PXDNL: variants seen among roughly 807,000 people sequenced by gnomAD.
PXDNL encodes the protein peroxidasin like.
In PXDNL, 145 loss-of-function variants were observed where a neutral mutation model predicts 150.8. That is an observed-to-expected ratio of 0.96 (90% CI 0.84 to 1.10). The LOEUF is 1.10. PXDNL is among the 50% of genes least tolerant of loss of function. The pLI is 0.00. For missense variants in PXDNL, 2,087 were observed against 1,873.9 expected, an observed-to-expected ratio of 1.11 and a Z score of -2.10; for synonymous variants, 757 against 725.7, an observed-to-expected ratio of 1.04 and a Z score of -0.69.
In PXDNL at chr8:51,375,905, A is replaced by T. The variant is rs1375472470; in HGVS notation, c.3558-1174T>A. ...AGCCATAGACAACATATAAACAAAC[A>T]GACATAGTTGTGTTCCAATAAAACT... On this transcript the variant is annotated intron_variant, in intron 17 of 22. Coordinates refer to ENST00000356297, the MANE Select transcript of PXDNL (RefSeq NM_144651.5). Among the ~76,000 whole-genome samples the T allele has an allele frequency of 2.0e-5, 3 of 152,240 alleles. No individual in the cohort carries two copies. In the East Asian group the frequency reaches 5.8e-4, roughly 29 times the overall value.
At chr8:51,651,601 G>A (rs1436881661) in intron 2 of PXDNL, among the ~76,000 whole-genome samples, 1 of 152,132 alleles carries the variant, frequency 6.6e-6, no homozygotes, top group East Asian at 1.9e-4. Flanking sequence ...ATCAGCCCTA[G>A]AATCAGATCT....
chr8:51,496,192 T>A (rs532364817), intron 5 of PXDNL, among the ~76,000 whole-genome samples: 1 of 152,326 alleles, frequency 6.6e-6, no homozygotes, highest in South Asian at 2.1e-4. Flanking sequence ...TATGATTATC[T>A]CAATAGATGC....
chr8:51,383,088 A>G (rs1276647711), intron 17 of PXDNL, among the ~76,000 whole-genome samples: 3 of 152,212 alleles, frequency 2.0e-5, no homozygotes, highest in Non-Finnish European at 4.4e-5. Flanking sequence ...TGTTTGGAAA[A>G]ATAAATCCTC....
At chr8:51,424,085 G>A (rs1220417184) in intron 13 of PXDNL, among the ~76,000 whole-genome samples, 8 of 151,998 alleles carry the variant, frequency 5.3e-5, no homozygotes, top group Non-Finnish European at 7.4e-5. Context: ...ACATTTGGTC[G>A]GGCACAGTGG....
rs760673605 is a variant in PXDNL, at chr8:51,426,718, G to A, written c.1566C>T (p.Val522=). 35 of 1,606,180 alleles carry A rather than the reference G, an allele frequency of 2.2e-5. No individual in the cohort carries two copies. The East Asian group carries it at 5.8e-4, about 27-fold the overall frequency. ...AAATGTTTATATTCTTTCCAACCTC[G>A]ACACTTGTATCCTGAGGAAGTTGAG... ...VFTQLPQDTS[V]EVGKNINISC... Residue 522 remains valine (V), a synonymous_variant, in exon 13 of 23, where the codon GTC becomes GTT. Coordinates refer to ENST00000356297, the MANE Select transcript of PXDNL (RefSeq NM_144651.5).
intron 2 of PXDNL, among the ~76,000 whole-genome samples, chr8:51,600,302 ATATGGTTTAGATAATAAATTATAT>A (rs2130678930): frequency 1.0e-5 from 1 of 99,136 alleles, no homozygotes; most frequent in Non-Finnish European, 2.0e-5. Context: ...TATATAAATT[ATATGGTTTAGATAATAAATTATAT>A]CTTATATAAA....
At chr8:51,723,652 G>C (rs1427586791) in intron 1 of PXDNL, among the ~76,000 whole-genome samples, 2 of 152,198 alleles carry the variant, frequency 1.3e-5, no homozygotes, top group African/African-American at 4.8e-5. Context: ...CTATGTGGCG[G>C]GAGCAATTCA....
chr8:51,682,854 C>T (rs1815782562), intron 1 of PXDNL, among the ~76,000 whole-genome samples: 1 of 151,860 alleles, frequency 6.6e-6, no homozygotes, highest in Non-Finnish European at 1.5e-5. Context: ...CTGGGCCCCA[C>T]CCTAGAGGTT....
intron 3 of PXDNL, among the ~76,000 whole-genome samples, chr8:51,574,930 G>C (rs935139873): frequency 7.9e-5 from 12 of 151,954 alleles, no homozygotes; most frequent in Admixed American, 3.3e-4. Flanking sequence ...TAAGAGGAAA[G>C]AAAATAATAC....
At chr8:51,596,421 A>G (rs1266818375) in intron 2 of PXDNL, among the ~76,000 whole-genome samples, 2 of 152,154 alleles carry the variant, frequency 1.3e-5, no homozygotes, top group Non-Finnish European at 2.9e-5. Context: ...ACCCAGTAAT[A>G]GGATTGCTGG....
chr8:51,691,936 C>T (rs1442287004), intron 1 of PXDNL, among the ~76,000 whole-genome samples: 2 of 152,202 alleles, frequency 1.3e-5, no homozygotes, highest in Non-Finnish European at 2.9e-5. Context: ...CTTATTAATT[C>T]AGGTCTCCAT....
At chr8:51,554,403 C>A (rs1812558995) in intron 4 of PXDNL, among the ~76,000 whole-genome samples, 1 of 152,194 alleles carries the variant, frequency 6.6e-6, no homozygotes, top group East Asian at 1.9e-4. Flanking sequence ...CTTATTTTAT[C>A]TATGCTAATC....
chr8:51,579,317 G>A (rs1173696304), intron 3 of PXDNL, among the ~76,000 whole-genome samples: 1 of 151,996 alleles, frequency 6.6e-6, no homozygotes, highest in African/African-American at 2.4e-5. Flanking sequence ...ATGAATAGAA[G>A]ATAAACAGAT....
At chr8:51,329,611 T>C (rs1805619817) in intron 21 of PXDNL, among the ~76,000 whole-genome samples, 2 of 152,068 alleles carry the variant, frequency 1.3e-5, no homozygotes, top group Admixed American at 6.5e-5. Flanking sequence ...ATAACTATGA[T>C]TAATACATTC....
At chr8:51,361,890 G>T (rs1370445937) in intron 19 of PXDNL, among the ~76,000 whole-genome samples, 1 of 122,354 alleles carries the variant, frequency 8.2e-6, no homozygotes, top group Admixed American at 1.1e-4. Context: ...TGAACCGCAG[G>T]TCTTGCCACT....
chr8:51,796,128 T>G (rs2037557575), intron 1 of PXDNL, among the ~76,000 whole-genome samples: 1 of 152,166 alleles, frequency 6.6e-6, no homozygotes, highest in Non-Finnish European at 1.5e-5. Flanking sequence ...TAACTATCTT[T>G]AATATTTTTC....
intron 6 of PXDNL, among the ~76,000 whole-genome samples, chr8:51,483,438 C>A (rs1194940948): frequency 1.3e-5 from 2 of 152,172 alleles, no homozygotes; most frequent in Non-Finnish European, 2.9e-5. Flanking sequence ...TTTTGAATGT[C>A]ACTTCTAAGA....
At chr8:51,524,970 G>A (rs541677304) in intron 4 of PXDNL, among the ~76,000 whole-genome samples, 1 of 152,268 alleles carries the variant, frequency 6.6e-6, no homozygotes, top group South Asian at 2.1e-4. Flanking sequence ...ATACACCCTC[G>A]CCTTGCTGGA....
chr8:51,356,553 A>G (rs1442115951), intron 19 of PXDNL, among the ~76,000 whole-genome samples: 1 of 151,876 alleles, frequency 6.6e-6, no homozygotes, highest in South Asian at 2.1e-4. Flanking sequence ...AAAAGAACCT[A>G]GTAATTTAAT....
Sources: allele counts gnomAD v4.1 joint callset (sites outside exome capture counted in the v4.1 genomes callset), GRCh38; gene constraint gnomAD v4.1.1; transcripts MANE v1.5; gene names NCBI Gene and HGNC (gene_info 2026-07-23, HGNC 2026-07-21).